PCED1B: variants seen among roughly 807,000 people sequenced by gnomAD.
PCED1B encodes the protein PC-esterase domain-containing protein 1B.
For synonymous variants in PCED1B, 251 were observed against 246.1 expected (o/e 1.02, Z -0.19); for missense variants, 573 against 573.9 (o/e 1.00, Z 0.02).
chr12:47,082,811 G>T (rs1427545681), intron 1 of PCED1B, among the ~76,000 whole-genome samples: 1 of 152,026 alleles, frequency 6.6e-6, no homozygotes, highest in Non-Finnish European at 1.5e-5. Flanking sequence ...TTCTGCCAGG[G>T]TGGTTCCAAC....
intron 2 of PCED1B, among the ~76,000 whole-genome samples, chr12:47,167,380 T>TTTCCTA (rs1274809416): frequency 3.2e-4 from 48 of 152,156 alleles, no homozygotes; most frequent in African/African-American, 1.1e-3. Flanking sequence ...GAAAATGAAG[T>TTTCCTA]GGGAACTGAA....
intron 2 of PCED1B, among the ~76,000 whole-genome samples, chr12:47,172,852 A>G (rs930077887): frequency 6.6e-6 from 1 of 152,260 alleles, no homozygotes; most frequent in Non-Finnish European, 1.5e-5. Flanking sequence ...TAGAGGAAAC[A>G]GCAATGTTGT....
intron 2 of PCED1B, among the ~76,000 whole-genome samples, chr12:47,201,424 A>T (rs832736): frequency 0.06 from 9,087 of 152,170 alleles, 382 homozygotes; most frequent in African/African-American, 0.11. Flanking sequence ...TGAAAGAGCC[A>T]AGATGGAGTC....
chr12:47,093,606 T>C (rs936705884), intron 1 of PCED1B, among the ~76,000 whole-genome samples: 4 of 152,010 alleles, frequency 2.6e-5, no homozygotes, highest in East Asian at 1.9e-4. Context: ...CTAAGCACCA[T>C]TTTAGTTTTT....
chr12:47,197,345 G>T (rs1272095115), intron 2 of PCED1B, among the ~76,000 whole-genome samples: 4 of 150,168 alleles, frequency 2.7e-5, no homozygotes, highest in Non-Finnish European at 4.4e-5. Flanking sequence ...AGTGGCTCAC[G>T]CCTGTAATCC....
chr12:47,204,103 C>A (rs894799953), intron 2 of PCED1B, among the ~76,000 whole-genome samples: 4 of 152,134 alleles, frequency 2.6e-5, no homozygotes, highest in African/African-American at 9.7e-5. Flanking sequence ...TGCCATCATG[C>A]CTGGCTAATT....
chr12:47,139,415 G>A (rs1323143596), intron 2 of PCED1B, among the ~76,000 whole-genome samples: 1 of 152,072 alleles, frequency 6.6e-6, no homozygotes, highest in Non-Finnish European at 1.5e-5. Context: ...GGAAAAGGGA[G>A]TACACCATGT....
intron 1 of PCED1B, among the ~76,000 whole-genome samples, chr12:47,085,295 G>A (rs1431065663): frequency 6.6e-6 from 1 of 152,310 alleles, no homozygotes; most frequent in Non-Finnish European, 1.5e-5. Context: ...CCAAGTCCCG[G>A]GAACCCTGGG....
Position 47,217,172 on chromosome 12 carries a change from G to A in PCED1B, c.-58+483G>A, listed in dbSNP as rs142715688. On this transcript the variant is annotated intron_variant, in intron 3 of 3. Transcript: ENST00000546455. Reference sequence around the variant, plus strand: ...AATCCAAGCACTTTGGAAGGCTGAGGCAGGTGGATTATTTGAGTCTAAGTT... The same window carrying A: ...AATCCAAGCACTTTGGAAGGCTGAGACAGGTGGATTATTTGAGTCTAAGTT... Among the ~76,000 whole-genome samples, 395 of 152,170 alleles carry A rather than the reference G, an allele frequency of 2.6e-3. 2 individuals carry two copies. Among genetic ancestry groups the A allele is most frequent in the Middle Eastern group, 6.8e-3 (2 of 294 alleles).
intron 2 of PCED1B, chr12:47,206,187 G>C (rs1340826676): frequency 1.3e-5 from 2 of 152,144 alleles, no homozygotes; most frequent in Non-Finnish European, 2.9e-5. Context: ...GCAGTTTAGG[G>C]AGGGTCAGAA....
chr12:47,156,998 A>C (rs975613450), intron 2 of PCED1B, among the ~76,000 whole-genome samples: 1 of 152,158 alleles, frequency 6.6e-6, no homozygotes, highest in African/African-American at 2.4e-5. Flanking sequence ...AGTTCTCAAT[A>C]AATATTATAG....
At chr12:47,140,783 G>T (rs1014940859) in intron 2 of PCED1B, among the ~76,000 whole-genome samples, 1 of 152,136 alleles carries the variant, frequency 6.6e-6, no homozygotes, top group African/African-American at 2.4e-5. Flanking sequence ...GGGAAAGAGT[G>T]CAAAGGAAGT....
Position 47,236,167 on chromosome 12 carries a change from C to T in PCED1B, c.1104C>T (p.Phe368=), listed in dbSNP as rs745754589. The change falls in exon 4 of 4, where the codon TTC becomes TTT. Residue 368 remains phenylalanine, a synonymous_variant. Transcript: ENST00000546455. ...DVPSSAHAGF[F]VEDNFMVGPQ... The stretch of plus-strand genomic sequence containing the variant: ...CCTCATCAGCCCATGCAGGTTTCTT[C>T]GTCGAAGACAATTTTATGGTTGGTC... 1.9e-6 allele frequency: 3 copies of T among 1,614,008 alleles called. No homozygotes were observed. The highest frequency in any genetic ancestry group is 2.2e-5 in the East Asian group (1 of 44,882).
intron 2 of PCED1B, among the ~76,000 whole-genome samples, chr12:47,119,301 G>A (rs1427663203): frequency 6.6e-6 from 1 of 152,086 alleles, no homozygotes; most frequent in Non-Finnish European, 1.5e-5. Flanking sequence ...GAAGAAAACA[G>A]AGTCGTAAAT....
rs998241848 is a variant in PCED1B, at chr12:47,161,908, A to G, written c.-525-54314A>G. 5.3e-5 allele frequency among the ~76,000 whole-genome samples: 8 copies of G among 152,348 alleles called. No individual in the cohort carries two copies. In the South Asian group the frequency reaches 1.2e-3, roughly 24 times the overall value. On this transcript the variant is annotated intron_variant, in intron 2 of 3. Transcript: ENST00000546455. ...ACTGGAGTAAGAAAATGTGGCACAT[A>G]TACACTATGGAATGCTATGCAGCCA...
chr12:47,130,201 G>A (rs910222828), intron 2 of PCED1B, among the ~76,000 whole-genome samples: 2 of 152,016 alleles, frequency 1.3e-5, no homozygotes, highest in Non-Finnish European at 1.5e-5. Context: ...AAGGTTAGTA[G>A]TTAATACACA....
chr12:47,186,923 A>T (rs997025754), intron 2 of PCED1B, among the ~76,000 whole-genome samples: 2 of 152,150 alleles, frequency 1.3e-5, no homozygotes, highest in African/African-American at 4.8e-5. Context: ...ACCAAGAACA[A>T]CCAATTGATA....
chr12:47,168,271 T>C (rs1233376391), intron 2 of PCED1B, among the ~76,000 whole-genome samples: 1 of 152,246 alleles, frequency 6.6e-6, no homozygotes, highest in Non-Finnish European at 1.5e-5. Context: ...CCAAGTTTTA[T>C]GTTTCTTCTT....
At chr12:47,125,641 G>A (rs923754006) in intron 2 of PCED1B, among the ~76,000 whole-genome samples, 2 of 151,980 alleles carry the variant, frequency 1.3e-5, no homozygotes, top group Non-Finnish European at 2.9e-5. Flanking sequence ...AACCATAAAC[G>A]TGGTATATCT....
Sources: gnomAD v4.1 joint callset for allele counts (sites outside exome capture counted in the v4.1 genomes callset) on GRCh38, gnomAD v4.1.1 for gene constraint, MANE v1.5 for transcripts, NCBI Gene and HGNC (gene_info 2026-07-23, HGNC 2026-07-21) for gene names.